Variants in CYP7B1 observed in about 807,000 individuals in gnomAD.
The protein encoded by CYP7B1 is cytochrome P450 7B1.
A neutral mutation model predicts 42.7 loss-of-function variants in CYP7B1; 29 were observed. The observed-to-expected ratio is 0.68, with a 90% CI of 0.51 to 0.93. CYP7B1 has a LOEUF of 0.93. Among genes scored for constraint, CYP7B1 ranks in the 40% least tolerant of loss-of-function variants. CYP7B1 has a pLI of 0.00. For synonymous variants in CYP7B1, 235 were observed against 218.2 expected (o/e 1.08, Z -0.68); for missense variants, 655 against 600.5 (o/e 1.09, Z -0.95).
At chr8:64,739,070 T>C (rs1336689099) in intron 1 of CYP7B1, among the ~76,000 whole-genome samples, 1 of 152,196 alleles carries the variant, frequency 6.6e-6, no homozygotes, top group Non-Finnish European at 1.5e-5. Flanking sequence ...GAGCATTTTC[T>C]ATAACAAAGG....
rs772815168 is a variant in CYP7B1 at position 64,592,241 on chromosome 8, A to G, written c.*4401T>C. The stretch of plus-strand genomic sequence containing the variant: ...ATATAATACAGTTTTTAAAAATTCT[A>G]AGCCTCAATGACTATATTTGGTTTT... On this transcript the variant is annotated 3_prime_UTR_variant, in exon 6 of 6. Coordinates refer to ENST00000310193, the MANE Select transcript of CYP7B1 (RefSeq NM_004820.5). 3.9e-5 allele frequency among the ~76,000 whole-genome samples: 6 copies of G among 152,154 alleles called. No individual in the cohort carries two copies. Among genetic ancestry groups the G allele is most frequent in the Non-Finnish European group, 8.8e-5 (6 of 68,026 alleles).
intron 1 of CYP7B1, among the ~76,000 whole-genome samples, chr8:64,673,153 T>A (rs1481193324): frequency 6.6e-6 from 1 of 152,014 alleles, no homozygotes; most frequent in Non-Finnish European, 1.5e-5. Flanking sequence ...CCCAGAAAAA[T>A]TTCATGGGGG....
chr8:64,722,599 T>C (rs79788315), intron 1 of CYP7B1, among the ~76,000 whole-genome samples: 139 of 151,952 alleles, frequency 9.1e-4, no homozygotes, highest in Non-Finnish European at 1.7e-3. Context: ...CATGGACACA[T>C]GTTAATAGTT....
At position 64,600,515 on chromosome 8, in the gene CYP7B1, G is replaced by C. The variant is rs561177162; in HGVS notation, c.1234-3586C>G. 3.3e-5 allele frequency among the ~76,000 whole-genome samples: 5 copies of C among 152,126 alleles called. No individual in the cohort carries two copies. In the East Asian group the frequency reaches 9.7e-4, roughly 29 times the overall value. On this transcript the variant is annotated intron_variant, in intron 5 of 5. Coordinates refer to ENST00000310193, the MANE Select transcript of CYP7B1 (RefSeq NM_004820.5). ...ATATGACTTTCTCATAATAAAAAAAGTCAGTGTTTTGAATGCATGGCTAAG... is the reference window on the plus strand; with the variant it reads ...ATATGACTTTCTCATAATAAAAAAACTCAGTGTTTTGAATGCATGGCTAAG...
chr8:64,599,814 A>C (rs1320045986), intron 5 of CYP7B1, among the ~76,000 whole-genome samples: 2 of 152,178 alleles, frequency 1.3e-5, no homozygotes, highest in African/African-American at 4.8e-5. Context: ...AATAAAACAA[A>C]AAGAAATGGT....
At chr8:64,797,129 C>T (rs1452608011) in intron 1 of CYP7B1, among the ~76,000 whole-genome samples, 1 of 152,128 alleles carries the variant, frequency 6.6e-6, no homozygotes, top group Non-Finnish European at 1.5e-5. Context: ...AAAGATCAGC[C>T]TATTCTCAGA....
intron 1 of CYP7B1, among the ~76,000 whole-genome samples, chr8:64,683,563 A>G (rs553755976): frequency 2.1e-4 from 32 of 152,328 alleles, no homozygotes; most frequent in Middle Eastern, 3.4e-3. Flanking sequence ...ACTTAATTGT[A>G]TATTTTAAAA....
chr8:64,739,746 C>A (rs1253284896), intron 1 of CYP7B1, among the ~76,000 whole-genome samples: 2 of 152,070 alleles, frequency 1.3e-5, no homozygotes, highest in Non-Finnish European at 2.9e-5. Flanking sequence ...CCTGAATATT[C>A]ACATCTTGAC....
chr8:64,700,082 C>T (rs1426700612), intron 1 of CYP7B1, among the ~76,000 whole-genome samples: 1 of 152,124 alleles, frequency 6.6e-6, no homozygotes, highest in Admixed American at 6.6e-5. Context: ...GTGCTGTGTG[C>T]ATATATACTG....
At chr8:64,599,433 C>T (rs948819021) in intron 5 of CYP7B1, among the ~76,000 whole-genome samples, 10 of 152,146 alleles carry the variant, frequency 6.6e-5, no homozygotes, top group Admixed American at 2.6e-4. Flanking sequence ...CGTGATCCGC[C>T]GGCCTCGGCC....
At chr8:64,758,092 C>A (rs900172376) in intron 1 of CYP7B1, among the ~76,000 whole-genome samples, 8 of 152,214 alleles carry the variant, frequency 5.3e-5, no homozygotes, top group Non-Finnish European at 5.9e-5. Context: ...GGCTCAGGCT[C>A]TGCTTTCAGG....
At chr8:64,626,442 A>C (rs1271352663) in intron 1 of CYP7B1, among the ~76,000 whole-genome samples, 1 of 152,202 alleles carries the variant, frequency 6.6e-6, no homozygotes, top group Non-Finnish European at 1.5e-5. Context: ...TAATAATCTT[A>C]AATTGAGAAC....
intron 1 of CYP7B1, among the ~76,000 whole-genome samples, chr8:64,663,319 TTA>T (rs1259257611): frequency 3.3e-5 from 5 of 152,204 alleles, no homozygotes; most frequent in Non-Finnish European, 7.3e-5. Flanking sequence ...TGTCTTAAAT[TTA>T]TCTCTGTTTT....
chr8:64,596,495 A>G lies in CYP7B1; in HGVS notation c.*147T>C. ...ATTATGATGGGCTTTGTGACTAAGGACAAACTGGACTGATATCAGATCAAA... is the reference window on the plus strand; with the variant it reads ...ATTATGATGGGCTTTGTGACTAAGGGCAAACTGGACTGATATCAGATCAAA... On this transcript the variant is annotated 3_prime_UTR_variant, in exon 6 of 6. Coordinates refer to ENST00000310193, the MANE Select transcript of CYP7B1 (RefSeq NM_004820.5). The G allele has an allele frequency of 2.5e-6, 2 of 806,182 alleles. No individual in the cohort carries two copies. Among genetic ancestry groups the G allele is most frequent in the Non-Finnish European group, 3.8e-6 (2 of 526,480 alleles). 49.9% of individuals were successfully genotyped at this position (806,182 alleles called of 1,614,324 possible).
At chr8:64,662,059 G>C (rs1271390813) in intron 1 of CYP7B1, among the ~76,000 whole-genome samples, 2 of 150,194 alleles carry the variant, frequency 1.3e-5, no homozygotes, top group Non-Finnish European at 1.5e-5. Context: ...AGGCCTCCTG[G>C]CTGGCTAGTC....
At chr8:64,599,496 A>G (rs377455832) in intron 5 of CYP7B1, among the ~76,000 whole-genome samples, 17 of 152,260 alleles carry the variant, frequency 1.1e-4, no homozygotes, top group African/African-American at 3.9e-4. Context: ...CCGCTGATTG[A>G]AATTCTTTAC....
chr8:64,695,822 G>T (rs940609641), intron 1 of CYP7B1, among the ~76,000 whole-genome samples: 3 of 150,176 alleles, frequency 2.0e-5, no homozygotes, highest in African/African-American at 7.3e-5. Context: ...TTCTCAGGTT[G>T]GTTAACAAAA....
At chr8:64,652,765 A>C (rs1044313700) in intron 1 of CYP7B1, among the ~76,000 whole-genome samples, 3 of 151,982 alleles carry the variant, frequency 2.0e-5, no homozygotes, top group Non-Finnish European at 4.4e-5. Flanking sequence ...AATGGCGTGA[A>C]CCCGGGAGGC....
At chr8:64,654,608 A>G (rs1272546512) in intron 1 of CYP7B1, among the ~76,000 whole-genome samples, 3 of 152,244 alleles carry the variant, frequency 2.0e-5, no homozygotes. Flanking sequence ...AAAGCAATCT[A>G]TAGATTCAAT....
Sources: allele counts gnomAD v4.1 joint callset (sites outside exome capture counted in the v4.1 genomes callset), GRCh38; gene constraint gnomAD v4.1.1; transcripts MANE v1.5; gene names NCBI Gene and HGNC (gene_info 2026-07-23, HGNC 2026-07-21).